MYH15: variants seen among roughly 807,000 people sequenced by gnomAD.
MYH15 encodes the protein myosin-15.
A neutral mutation model predicts 240.5 loss-of-function variants in MYH15; 227 were observed. The ratio of observed to expected loss-of-function variants is 0.94; its 90% CI spans 0.85 to 1.05. The LOEUF is 1.05. MYH15 is among the 50% of genes least tolerant of loss of function. The probability of loss-of-function intolerance (pLI) is 0.00; values close to 1 mark genes in which losing one functional copy is unlikely to be tolerated. For missense variants in MYH15, 2,217 were observed against 2,247.5 expected (o/e 0.99, Z 0.27); for synonymous variants, 785 against 796.7 (o/e 0.99, Z 0.25).
In MYH15 at chr3:108,398,739, T is replaced by C; in HGVS notation, c.5031A>G (p.Leu1677=). Residue 1677 remains leucine (L), a synonymous_variant, in exon 35 of 41, where the codon CTA becomes CTG. Coordinates refer to ENST00000693548, the MANE Select transcript of MYH15 (RefSeq NM_014981.3). ...ERRNSLLQSE[L]EDLRSLQEQT... ...GCTCTTGCAGGGACCTTAGATCCTCTAGTTCAGACTGAAGAAGAGAGTTGC... is the reference window on the plus strand; with the variant it reads ...GCTCTTGCAGGGACCTTAGATCCTCCAGTTCAGACTGAAGAAGAGAGTTGC... 3.7e-6 allele frequency: 6 copies of C among 1,614,208 alleles called. No individual in the cohort carries two copies. Among genetic ancestry groups the C allele is most frequent in the Non-Finnish European group, 4.2e-6 (5 of 1,180,038 alleles).
intron 11 of MYH15, among the ~76,000 whole-genome samples, chr3:108,476,871 G>A (rs2107590954): frequency 6.6e-6 from 1 of 152,218 alleles, no homozygotes; most frequent in South Asian, 2.1e-4. Flanking sequence ...ATTGTGGGTG[G>A]GAATGCAAAA....
intron 35 of MYH15, among the ~76,000 whole-genome samples, chr3:108,395,635 CT>C (rs10708448): frequency 0.23 from 31,561 of 135,326 alleles, 3,744 homozygotes; most frequent in Middle Eastern, 0.36. Flanking sequence ...TTTTTTCTTT[CT>C]TTTTTTTTTT....
Position 108,410,597 on chromosome 3 carries a change from T to C in MYH15, c.4481A>G (p.Asn1494Ser), listed in dbSNP as rs1276596924. The change falls in exon 31 of 41, where the codon AAC (asparagine) becomes AGC (serine). Residue 1494 changes from asparagine (N) to serine (S), a missense_variant. Asn to Ser is a conservative substitution (Grantham distance 46, BLOSUM62 1). Coordinates refer to ENST00000693548, the MANE Select transcript of MYH15 (RefSeq NM_014981.3). ...GCTCGGTGTACCTTGGAGGTTCTTGTTCTCCCTCCTGAGTGTCTCCTGGCC... is the reference window on the plus strand; with the variant it reads ...GCTCGGTGTACCTTGGAGGTTCTTGCTCTCCCTCCTGAGTGTCTCCTGGCC... ...IVGQETLRRE[N>S]KNLQEEISNL... 1.3e-6 allele frequency: 2 copies of C among 1,591,846 alleles called. No individual in the cohort carries two copies. The highest frequency in any genetic ancestry group is 2.7e-5 in the African/African-American group (2 of 74,426).
At chr3:108,410,021 T>C (rs1235620498) in intron 31 of MYH15, among the ~76,000 whole-genome samples, 1 of 152,208 alleles carries the variant, frequency 6.6e-6, no homozygotes, top group Non-Finnish European at 1.5e-5. Flanking sequence ...GCGTATATGC[T>C]GGAGCCGTGC....
intron 29 of MYH15, among the ~76,000 whole-genome samples, chr3:108,415,509 T>C (rs1244448337): frequency 6.6e-6 from 1 of 152,238 alleles, no homozygotes; most frequent in Non-Finnish European, 1.5e-5. Flanking sequence ...ATATATTTAA[T>C]TATAGAAGTA....
At chr3:108,438,565 C>T (rs551286201) in intron 24 of MYH15, among the ~76,000 whole-genome samples, 1 of 152,068 alleles carries the variant, frequency 6.6e-6, no homozygotes, top group Non-Finnish European at 1.5e-5. Context: ...GGGAGGTGGG[C>T]CCTTTAGGAA....
chr3:108,534,102 A>G (rs539293216), upstream of MYH15, among the ~76,000 whole-genome samples: 1 of 152,318 alleles, frequency 6.6e-6, no homozygotes, highest in African/African-American at 2.4e-5. Flanking sequence ...TCATTAATCT[A>G]AGGAGTCCTG....
intron 28 of MYH15, among the ~76,000 whole-genome samples, chr3:108,420,464 C>T (rs908363675): frequency 6.6e-6 from 1 of 152,186 alleles, no homozygotes; most frequent in Non-Finnish European, 1.5e-5. Context: ...ACTTGATTAA[C>T]CCTTATCCCC....
chr3:108,414,198 A>G (rs754208092), intron 30 of MYH15, 34 bp downstream of exon 30: 3 of 1,591,726 alleles, frequency 1.9e-6, no homozygotes, highest in Non-Finnish European at 2.6e-6. Context: ...CCATGTGAGT[A>G]ACTCCAGGTT....
At chr3:108,398,550 TGTGCATGGTCCAAGGCCGCCCCAA>T (rs1188148013) in intron 35 of MYH15, 63 bp downstream of exon 35, 6 of 1,276,650 alleles carry the variant, frequency 4.7e-6, no homozygotes, top group Non-Finnish European at 6.8e-6. Flanking sequence ...ACAGGGCGAC[TGTGCATGGTCCAAGGCCGCCCCAA>T]GTGTGGGAAC....
chr3:108,439,933 G>C lies in MYH15; in HGVS notation c.2899-20C>G. ...CTTGACCTGTGGGAAGAAGATGACA[G>C]CTTCATTAAAGCCACTGCTGGAAAG... On this transcript the variant is annotated intron_variant, in intron 23 of 40. Coordinates refer to ENST00000693548, the MANE Select transcript of MYH15 (RefSeq NM_014981.3). 1 of 1,535,808 alleles carries C rather than the reference G, an allele frequency of 6.5e-7. No individual in the cohort carries two copies. Among genetic ancestry groups the C allele is most frequent in the Non-Finnish European group, 8.8e-7 (1 of 1,141,322 alleles).
intron 32 of MYH15, 34 bp downstream of exon 32, chr3:108,408,246 A>C: frequency 6.3e-7 from 1 of 1,592,758 alleles, no homozygotes; most frequent in Non-Finnish European, 8.5e-7. Flanking sequence ...GCCTTGTCAC[A>C]GTGAAAACTT....
chr3:108,475,583 T>G (rs1301872356), intron 12 of MYH15, among the ~76,000 whole-genome samples: 1 of 152,170 alleles, frequency 6.6e-6, no homozygotes, highest in Non-Finnish European at 1.5e-5. Flanking sequence ...TGGGAGGCCG[T>G]GTGTCCCAGA....
intron 36 of MYH15, among the ~76,000 whole-genome samples, chr3:108,393,395 C>A (rs2082435493): frequency 6.6e-6 from 1 of 152,206 alleles, no homozygotes; most frequent in Admixed American, 6.5e-5. Flanking sequence ...GCTAACCATG[C>A]CCGCTGAGAG....
At chr3:108,411,094 C>A (rs889462986) in intron 30 of MYH15, among the ~76,000 whole-genome samples, 162 bp from the exon 31 acceptor site, 9 of 152,180 alleles carry the variant, frequency 5.9e-5, no homozygotes. Context: ...TGAAAGTGAC[C>A]TCACTGTCTA....
chr3:108,395,414 C>G (rs2082452365), intron 35 of MYH15, among the ~76,000 whole-genome samples: 1 of 152,220 alleles, frequency 6.6e-6, no homozygotes, highest in Non-Finnish European at 1.5e-5. Flanking sequence ...TAGATTTCCA[C>G]TGCCATGGCC....
chr3:108,414,870 G>A (rs1345879202), intron 29 of MYH15, among the ~76,000 whole-genome samples: 4 of 152,090 alleles, frequency 2.6e-5, no homozygotes, highest in Non-Finnish European at 5.9e-5. Context: ...ATTTCACACT[G>A]AAATCTCTAA....
chr3:108,537,079 G>C, the MYH15 span, among the ~76,000 whole-genome samples: 3 of 152,224 alleles, frequency 2.0e-5, no homozygotes, highest in Non-Finnish European at 4.4e-5. Flanking sequence ...AGTCAGGAGA[G>C]AGGCAGGCTT....
upstream of MYH15, among the ~76,000 whole-genome samples, chr3:108,533,175 G>A (rs1319782471): frequency 2.8e-5 from 4 of 140,722 alleles, no homozygotes; most frequent in Admixed American, 1.5e-4. Flanking sequence ...AAATGGGCGA[G>A]ACCAAGTTTG....
Sources: allele counts gnomAD v4.1 joint callset (sites outside exome capture counted in the v4.1 genomes callset), GRCh38; gene constraint gnomAD v4.1.1; transcripts MANE v1.5; gene names NCBI Gene and HGNC (gene_info 2026-07-23, HGNC 2026-07-21).